UBE2K: variants seen among roughly 807,000 people sequenced by gnomAD.
UBE2K encodes the protein ubiquitin-conjugating enzyme E2 K.
In UBE2K, 6 loss-of-function variants were observed where a neutral mutation model predicts 30.0. That is an observed-to-expected ratio of 0.20 (90% CI 0.11 to 0.39). UBE2K has a LOEUF of 0.39. Among genes scored for constraint, UBE2K ranks in the 10% least tolerant of loss-of-function variants. The probability of loss-of-function intolerance (pLI) is 1.00; values close to 1 mark genes in which losing one functional copy is unlikely to be tolerated. For synonymous variants in UBE2K, 86 were observed against 83.7 expected (o/e 1.03, Z -0.15); for missense variants, 61 against 241.6 (o/e 0.25, Z 4.96).
intron 4 of UBE2K, among the ~76,000 whole-genome samples, chr4:39,767,691 T>C (rs1195578272): frequency 8.5e-5 from 13 of 152,178 alleles, no homozygotes; most frequent in Non-Finnish European, 1.9e-4. Context: ...ACCTATGTGA[T>C]AGTATGAAGG....
intron 3 of UBE2K, among the ~76,000 whole-genome samples, chr4:39,752,634 C>T (rs1298467178): frequency 6.6e-6 from 1 of 152,160 alleles, no homozygotes; most frequent in Admixed American, 6.5e-5. Flanking sequence ...CTGCGCCCAG[C>T]CACCATTTTA....
intron 4 of UBE2K, among the ~76,000 whole-genome samples, chr4:39,767,714 TA>T (rs1712440380): frequency 6.6e-6 from 1 of 152,208 alleles, no homozygotes. Flanking sequence ...TTGCAAGATT[TA>T]GATGCTTTTA....
At chr4:39,705,645 G>T (rs2109305191) in intron 1 of UBE2K, among the ~76,000 whole-genome samples, 1 of 152,216 alleles carries the variant, frequency 6.6e-6, no homozygotes, top group Middle Eastern at 3.4e-3. Flanking sequence ...AATGCTATGG[G>T]ATTCTAAAGG....
intron 1 of UBE2K, among the ~76,000 whole-genome samples, chr4:39,723,358 TTC>T (rs1253209354): frequency 7.3e-6 from 1 of 137,524 alleles, no homozygotes; most frequent in Non-Finnish European, 1.5e-5. Flanking sequence ...CCCTGCTGTC[TTC>T]TCTTTTTTTT....
intron 3 of UBE2K, among the ~76,000 whole-genome samples, chr4:39,754,266 C>A (rs1357149784): frequency 6.6e-6 from 1 of 152,086 alleles, no homozygotes; most frequent in Non-Finnish European, 1.5e-5. Context: ...AAGTAGGTAT[C>A]TTTGAAAGTA....
intron 1 of UBE2K, among the ~76,000 whole-genome samples, chr4:39,699,553 TCAA>T (rs367846394): frequency 2.9e-4 from 44 of 152,264 alleles, no homozygotes; most frequent in African/African-American, 9.9e-4. Flanking sequence ...CATACCAAGA[TCAA>T]CAAGAATGCC....
chr4:39,711,808 C>T (rs888982659), intron 1 of UBE2K, among the ~76,000 whole-genome samples: 2 of 151,568 alleles, frequency 1.3e-5, no homozygotes, highest in African/African-American at 4.8e-5. Flanking sequence ...GAGGCAAAGG[C>T]GGGCGGATCA....
At chr4:39,716,769 G>A (rs1019208189) in intron 1 of UBE2K, among the ~76,000 whole-genome samples, 9 of 152,168 alleles carry the variant, frequency 5.9e-5, no homozygotes, top group Admixed American at 5.2e-4. Flanking sequence ...AGGCCAAGGC[G>A]GGTGGATTGC....
chr4:39,759,377 A>G (rs1447300337), intron 4 of UBE2K, among the ~76,000 whole-genome samples: 1 of 152,116 alleles, frequency 6.6e-6, no homozygotes, highest in East Asian at 1.9e-4. Context: ...CCCGGGCTCA[A>G]GCAGTTCTCC....
At chr4:39,730,858 G>A (rs2109340650) in intron 1 of UBE2K, among the ~76,000 whole-genome samples, 1 of 142,650 alleles carries the variant, frequency 7.0e-6, no homozygotes, top group African/African-American at 2.6e-5. Flanking sequence ...GTTGTCCGGT[G>A]GAGTGCAGTG....
intron 2 of UBE2K, among the ~76,000 whole-genome samples, chr4:39,740,411 G>A (rs1209936067): frequency 6.6e-6 from 1 of 152,050 alleles, no homozygotes; most frequent in Non-Finnish European, 1.5e-5. Context: ...GCGAGGTGGT[G>A]GGCGCCTGTG....
In UBE2K at chr4:39,782,096, C is replaced by T. The variant is rs1713647427; in HGVS notation, c.*3662C>T. The stretch of plus-strand genomic sequence containing the variant: ...TGTCCCATTTGTTCTGTTACTGCTT[C>T]ATTGGACTGATACACCCTCATGAAC... On this transcript the variant is annotated 3_prime_UTR_variant, in exon 7 of 7. Transcript: ENST00000261427. 2 of 396,490 alleles carry T rather than the reference C, an allele frequency of 5.0e-6. No homozygotes were observed. The highest frequency in any genetic ancestry group is 2.1e-5 in the African/African-American group (1 of 48,716). 24.6% of individuals were successfully genotyped at this position (396,490 alleles called of 1,614,324 possible). A position where few individuals can be genotyped will look rare whatever the true frequency, so the allele number is the denominator to read the frequency against.
chr4:39,726,704 T>G (rs1458774535), intron 1 of UBE2K, among the ~76,000 whole-genome samples: 4 of 152,164 alleles, frequency 2.6e-5, no homozygotes, highest in Non-Finnish European at 5.9e-5. Context: ...CAGACGATTC[T>G]CCTCCCTCAG....
At position 39,745,774 on chromosome 4, in the gene UBE2K, A is replaced by G. The variant is rs1177076704; in HGVS notation, c.180A>G (p.Ile60Met). The G allele has an allele frequency of 6.2e-7, 1 of 1,607,776 alleles. No individual in the cohort carries two copies. The highest frequency in any genetic ancestry group is 2.2e-5 in the East Asian group (1 of 44,616). The change falls in exon 3 of 7, where the codon ATA (isoleucine) becomes ATG (methionine). Residue 60 changes from isoleucine (I) to methionine (M), a missense_variant. Transcript: ENST00000261427. ...PYEGGRYQLE[I>M]KIPETYPFNP... The stretch of plus-strand genomic sequence containing the variant: ...TAGGAGGAAGATACCAACTAGAGAT[A>G]AAAATACCAGAAACATACCCATTTA...
At chr4:39,749,052 G>A (rs1483629863) in intron 3 of UBE2K, among the ~76,000 whole-genome samples, 1 of 152,108 alleles carries the variant, frequency 6.6e-6, no homozygotes, top group Non-Finnish European at 1.5e-5. Flanking sequence ...GTCTTATGAG[G>A]TAAAATTATC....
At chr4:39,724,255 G>A (rs904859763) in intron 1 of UBE2K, among the ~76,000 whole-genome samples, 2 of 151,544 alleles carry the variant, frequency 1.3e-5, no homozygotes, top group East Asian at 1.9e-4. Flanking sequence ...CTATAGGCAC[G>A]CACCACCACA....
At chr4:39,714,544 A>ATTTTTTT (rs1337587267) in intron 1 of UBE2K, 95 of 21,082 alleles carry the variant, frequency 4.5e-3, no homozygotes, top group East Asian at 0.016. Flanking sequence ...ATATATATAT[A>ATTTTTTT]TATATATTTT....
chr4:39,748,290 A>C (rs1036894400), intron 3 of UBE2K, among the ~76,000 whole-genome samples: 1 of 152,092 alleles, frequency 6.6e-6, no homozygotes, highest in African/African-American at 2.4e-5. Context: ...AGTGGCATGC[A>C]CAGTCATAGC....
intron 1 of UBE2K, among the ~76,000 whole-genome samples, chr4:39,718,070 G>A (rs182438813): frequency 1.7e-4 from 26 of 152,248 alleles, no homozygotes; most frequent in East Asian, 1.5e-3. Flanking sequence ...AAGGGGACCC[G>A]AGTGGGTTGC....
Sources: allele counts gnomAD v4.1 joint callset (sites outside exome capture counted in the v4.1 genomes callset), GRCh38; gene constraint gnomAD v4.1.1; transcripts MANE v1.5; gene names NCBI Gene and HGNC (gene_info 2026-07-23, HGNC 2026-07-21).